The following MYO1B variants were observed in gnomAD, a reference collection of about 807,000 sequenced individuals.
MYO1B encodes unconventional myosin-Ib.
In MYO1B, 72 loss-of-function variants were observed where a neutral mutation model predicts 159.7. That is an observed-to-expected ratio of 0.45 (90% CI 0.37 to 0.55). MYO1B has a LOEUF of 0.55. Ranked by LOEUF, MYO1B falls within the 20% of genes least tolerant of loss-of-function variation. The probability of loss-of-function intolerance (pLI) is 0.00; values close to 1 mark genes in which losing one functional copy is unlikely to be tolerated. For synonymous variants in MYO1B, 468 were observed against 473.8 expected (o/e 0.99, Z 0.16); for missense variants, 1,062 against 1,364.8 (o/e 0.78, Z 3.50).
chr2:191,265,172 G>C (rs534164892), intron 1 of MYO1B, among the ~76,000 whole-genome samples: 1 of 148,366 alleles, frequency 6.7e-6, no homozygotes, highest in African/African-American at 2.5e-5. Flanking sequence ...GAGCCTGAAC[G>C]ATGGGAAGGC....
At chr2:191,362,171 G>T in intron 8 of MYO1B, 97 bp from the exon 9 acceptor site, 1 of 832,092 alleles carries the variant, frequency 1.2e-6, no homozygotes, top group African/African-American at 1.7e-5. Flanking sequence ...TAATATAAAA[G>T]CCATGTTACC....
chr2:191,403,404 C>A (rs1696732092), intron 24 of MYO1B, among the ~76,000 whole-genome samples: 1 of 152,038 alleles, frequency 6.6e-6, no homozygotes, highest in Non-Finnish European at 1.5e-5. Flanking sequence ...TCTGAGAAGC[C>A]CTTAGAATAT....
rs201069395 is a variant in MYO1B at position 191,414,682 on chromosome 2, C to A, written c.3159+13C>A. ...CCACCTCAAAGAGGTAAAGGTTCAA[C>A]AGAAGATTTCTGTGCTTAATCTCTC... is the stretch of plus-strand genomic sequence containing the variant. On this transcript the variant is annotated intron_variant, in intron 29 of 30. Transcript: ENST00000392318. 1.1e-5 allele frequency: 17 copies of A among 1,598,894 alleles called. No individual in the cohort carries two copies. Among genetic ancestry groups the A allele is most frequent in the Non-Finnish European group, 1.4e-5 (17 of 1,175,092 alleles).
At chr2:191,410,950 G>A (rs1697216314) in intron 26 of MYO1B, 116 bp from the exon 27 acceptor site, 2 of 622,134 alleles carry the variant, frequency 3.2e-6, no homozygotes, top group Non-Finnish European at 5.3e-6. Flanking sequence ...TTTAGTGAAT[G>A]TTTTGTACTT....
chr2:191,365,070 C>T (rs1023859422), intron 11 of MYO1B, among the ~76,000 whole-genome samples: 1 of 152,172 alleles, frequency 6.6e-6, no homozygotes, highest in Non-Finnish European at 1.5e-5. Context: ...GCCTTCTCTC[C>T]TTTTGCTTCA....
chr2:191,342,347 A>G (rs1692276387), intron 5 of MYO1B, among the ~76,000 whole-genome samples: 1 of 152,020 alleles, frequency 6.6e-6, no homozygotes, highest in African/African-American at 2.4e-5. Flanking sequence ...CACAAGCCCC[A>G]CCTCCTAATA....
At chr2:191,347,121 C>A (rs1013682688) in intron 6 of MYO1B, among the ~76,000 whole-genome samples, 2 of 152,232 alleles carry the variant, frequency 1.3e-5, no homozygotes, top group African/African-American at 4.8e-5. Flanking sequence ...ATCTTTTATG[C>A]CTCCTTATGT....
At chr2:191,272,614 CAT>C (rs1348754062) in intron 1 of MYO1B, among the ~76,000 whole-genome samples, 1 of 152,182 alleles carries the variant, frequency 6.6e-6, no homozygotes, top group African/African-American at 2.4e-5. Flanking sequence ...TGAGCAGTGC[CAT>C]ATGTTTTCCT....
chr2:191,276,736 A>T, intron 1 of MYO1B, 151 bp from the exon 2 acceptor site: 2 of 836,868 alleles, frequency 2.4e-6, no homozygotes, highest in Non-Finnish European at 3.5e-6. Context: ...GAGGCTCCTG[A>T]TGTGGTTCAT....
chr2:191,280,926 T>G (rs1410085866), intron 2 of MYO1B, among the ~76,000 whole-genome samples: 1 of 152,222 alleles, frequency 6.6e-6, no homozygotes, highest in African/African-American at 2.4e-5. Context: ...AATGGCTTGC[T>G]TCTCAGACTT....
At chr2:191,268,472 C>G (rs1398811651) in intron 1 of MYO1B, among the ~76,000 whole-genome samples, 1 of 152,130 alleles carries the variant, frequency 6.6e-6, no homozygotes, top group Admixed American at 6.5e-5. Context: ...TTTGGGAGGA[C>G]GCAAGCATTC....
intron 7 of MYO1B, among the ~76,000 whole-genome samples, chr2:191,357,252 T>G (rs1236567173): frequency 6.6e-6 from 1 of 152,218 alleles, no homozygotes; most frequent in Non-Finnish European, 1.5e-5. Flanking sequence ...ACCTTGTGCC[T>G]TGGGGAGGCT....
At position 191,350,137 on chromosome 2, in the gene MYO1B, A is replaced by G. The variant is rs55649628; in HGVS notation, c.499-25A>G. On this transcript the variant is annotated intron_variant, in intron 6 of 30. Transcript: ENST00000392318. ...GTTAACATTTTGAGATGAACTAGAA[A>G]ACTCACAAAATCTTTCTTTGGCAGG... The G allele has an allele frequency of 1.0e-3, 1,675 of 1,604,964 alleles. 17 individuals are homozygous for G. In the African/African-American group the frequency reaches 0.02, roughly 19 times the overall value.
chr2:191,344,552 C>T (rs1053067018), intron 5 of MYO1B, among the ~76,000 whole-genome samples: 1 of 152,078 alleles, frequency 6.6e-6, no homozygotes, highest in South Asian at 2.1e-4. Context: ...AAAACACAGC[C>T]GGGCGTGGTG....
rs111437824 is a variant in MYO1B, at chr2:191,276,146, C to T, written c.-9-741C>T. Among the ~76,000 whole-genome samples the T allele has an allele frequency of 8.9e-3, 1,352 of 152,280 alleles. 9 individuals are homozygous for T. The highest frequency in any genetic ancestry group is 0.013 in the Non-Finnish European group (885 of 68,018). On this transcript the variant is annotated intron_variant, in intron 1 of 30. Coordinates refer to ENST00000392318, the MANE Select transcript of MYO1B (RefSeq NM_001130158.3). ...TGTCTGTTGGTACAAGAATTAAAAA[C>T]GTAGAGGCCACTTTTATCAGGTTAT...
intron 3 of MYO1B, among the ~76,000 whole-genome samples, chr2:191,297,988 C>T (rs1002301580): frequency 5.3e-5 from 8 of 152,266 alleles, no homozygotes; most frequent in African/African-American, 1.9e-4. Flanking sequence ...AAAGAACCTG[C>T]AGAAAGTCTC....
chr2:191,264,878 C>G (rs1052773070), intron 1 of MYO1B, among the ~76,000 whole-genome samples: 2 of 151,616 alleles, frequency 1.3e-5, no homozygotes, highest in African/African-American at 4.9e-5. Flanking sequence ...GCGTTGGAAG[C>G]TGGGACAAGA....
intron 1 of MYO1B, among the ~76,000 whole-genome samples, chr2:191,250,624 G>T (rs899372504): frequency 6.6e-6 from 1 of 152,214 alleles, no homozygotes; most frequent in African/African-American, 2.4e-5. Flanking sequence ...TATTATTCAT[G>T]CTACTGTTTA....
intron 7 of MYO1B, among the ~76,000 whole-genome samples, chr2:191,354,786 T>A (rs887738963): frequency 6.6e-6 from 1 of 152,198 alleles, no homozygotes; most frequent in Admixed American, 6.5e-5. Flanking sequence ...ATGTCACTTC[T>A]GCTGTACTCT....
Sources: gnomAD v4.1 joint callset for allele counts (sites outside exome capture counted in the v4.1 genomes callset) on GRCh38, gnomAD v4.1.1 for gene constraint, MANE v1.5 for transcripts, NCBI Gene and HGNC (gene_info 2026-07-23, HGNC 2026-07-21) for gene names.